STK38: variants seen among roughly 807,000 people sequenced by gnomAD.
STK38 encodes serine/threonine kinase 38.
Under a neutral mutation model 59.0 loss-of-function variants are expected in STK38, and 26 were observed. The observed-to-expected ratio is 0.44, with a 90% confidence interval of 0.32 to 0.61. The LOEUF (loss-of-function observed/expected upper bound fraction) is 0.61, where lower values mean the gene tolerates loss of function less well. Ranked by LOEUF, STK38 falls within the 20% of genes least tolerant of loss-of-function variation. The pLI is 0.04. For synonymous variants in STK38, 175 were observed against 176.6 expected (o/e 0.99, Z 0.07); for missense variants, 433 against 566.0 (o/e 0.76, Z 2.38).
intron 7 of STK38, among the ~76,000 whole-genome samples, chr6:36,510,415 G>A (rs1777080666): frequency 6.6e-6 from 1 of 152,220 alleles, no homozygotes; most frequent in Non-Finnish European, 1.5e-5. Context: ...GAGAAGTCAG[G>A]CAGCAGGAGC....
intron 13 of STK38, among the ~76,000 whole-genome samples, chr6:36,496,204 C>G (rs1776701772): frequency 6.6e-6 from 1 of 151,986 alleles, no homozygotes; most frequent in African/African-American, 2.4e-5. Context: ...CCACCATACC[C>G]AGCTGATTTT....
intron 12 of STK38, among the ~76,000 whole-genome samples, chr6:36,497,029 T>C (rs1471012218): frequency 6.6e-6 from 1 of 152,110 alleles, no homozygotes; most frequent in Admixed American, 6.5e-5. Flanking sequence ...CATTCATAGC[T>C]AGAAAGAAAG....
intron 2 of STK38, among the ~76,000 whole-genome samples, chr6:36,534,478 GTC>G (rs1401266336): frequency 1.3e-5 from 2 of 151,634 alleles, no homozygotes; most frequent in Non-Finnish European, 2.9e-5. Context: ...GTGATATCCT[GTC>G]TCTACAAAAA....
intron 1 of STK38, among the ~76,000 whole-genome samples, chr6:36,544,581 TC>T (rs1778015989): frequency 6.6e-6 from 1 of 152,192 alleles, no homozygotes; most frequent in African/African-American, 2.4e-5. Context: ...TGAAATTACT[TC>T]AACATAAAAA....
chr6:36,499,083 AAGG>A (rs1347598694), intron 10 of STK38, among the ~76,000 whole-genome samples: 1 of 152,244 alleles, frequency 6.6e-6, no homozygotes, highest in Non-Finnish European at 1.5e-5. Context: ...TGGGAAAAGA[AAGG>A]AGGACATAAA....
chr6:36,503,921 C>A (rs1269867674), intron 9 of STK38, among the ~76,000 whole-genome samples: 1 of 152,198 alleles, frequency 6.6e-6, no homozygotes, highest in African/African-American at 2.4e-5. Flanking sequence ...CCTTCCCAAA[C>A]CTTTGTTGTT....
rs575019368 is a variant in STK38, at chr6:36,525,389, C to T, written c.183+202G>A. Among the ~76,000 whole-genome samples, 71 of 152,274 alleles carry T rather than the reference C, an allele frequency of 4.7e-4. No individual in the cohort carries two copies. In the Middle Eastern group the frequency reaches 0.017, roughly 36 times the overall value. On this transcript the variant is annotated intron_variant, in intron 3 of 13. Transcript: ENST00000229812. ...TAAATCTAGTTTACTATAACTGCAT[C>T]TAGAGAAGCCTTCCTCTCCTAGGTA...
intron 11 of STK38, 36 bp downstream of exon 11, chr6:36,498,327 A>G (rs1407605248): frequency 6.3e-7 from 1 of 1,579,678 alleles, no homozygotes; most frequent in Non-Finnish European, 8.5e-7. Context: ...CATATTAAAA[A>G]GCTGAGAAAG....
chr6:36,510,505 G>A (rs960633489), intron 7 of STK38, among the ~76,000 whole-genome samples: 2 of 152,168 alleles, frequency 1.3e-5, no homozygotes, highest in African/African-American at 4.8e-5. Flanking sequence ...GCCTGGGAGG[G>A]CAGGGCTCCC....
intron 7 of STK38, among the ~76,000 whole-genome samples, chr6:36,507,849 G>A (rs556602760): frequency 1.3e-5 from 2 of 151,780 alleles, no homozygotes; most frequent in East Asian, 1.9e-4. Flanking sequence ...TTTAAACATA[G>A]CTGACCCCTC....
chr6:36,514,032 G>A (rs1273753458), intron 7 of STK38, among the ~76,000 whole-genome samples: 1 of 151,510 alleles, frequency 6.6e-6, no homozygotes, highest in Non-Finnish European at 1.5e-5. Flanking sequence ...GCGGGCGCCT[G>A]TAGTCCCAGC....
chr6:36,545,791 T>C (rs1020700029), intron 1 of STK38, among the ~76,000 whole-genome samples: 1 of 152,176 alleles, frequency 6.6e-6, no homozygotes, highest in Non-Finnish European at 1.5e-5. Context: ...TAGGAAATAA[T>C]AGGTGGCTGA....
intron 1 of STK38, among the ~76,000 whole-genome samples, chr6:36,541,767 A>G (rs1777942835): frequency 6.6e-6 from 1 of 151,860 alleles, no homozygotes; most frequent in Non-Finnish European, 1.5e-5. Flanking sequence ...TTAGTGGCTT[A>G]CCTGTAGGTA....
chr6:36,518,789 T>A (rs1243428580), intron 5 of STK38, among the ~76,000 whole-genome samples: 1 of 152,224 alleles, frequency 6.6e-6, no homozygotes, highest in Non-Finnish European at 1.5e-5. Context: ...TTATTAAGAC[T>A]CAGTCCAATC....
chr6:36,524,492 C>G (rs3752479), intron 3 of STK38, 29 bp from the exon 4 acceptor site: 334,516 of 1,570,946 alleles, frequency 0.21, 39,179 homozygotes, highest in East Asian at 0.43. Context: ...AGGGAGGAGA[C>G]GGGAAGGAAC....
chr6:36,511,574 T>G (rs1777109258), intron 7 of STK38, among the ~76,000 whole-genome samples: 1 of 151,462 alleles, frequency 6.6e-6, no homozygotes, highest in Admixed American at 6.6e-5. Context: ...GCCAGGCTGG[T>G]CTTGAACTCC....
chr6:36,539,970 G>A (rs1296078354), intron 2 of STK38, 102 bp downstream of exon 2: 11 of 1,536,658 alleles, frequency 7.2e-6, no homozygotes, highest in South Asian at 6.3e-5. Context: ...TCTATAATAA[G>A]GCTGCTACTA....
chr6:36,525,577 C>A lies in STK38; in HGVS notation c.183+14G>T. On this transcript the variant is annotated intron_variant, in intron 3 of 13. Transcript: ENST00000229812. Reference sequence around the variant, plus strand: ...ACGCTGGGTTTTAAGGAAAACATTGCCAATATTAATTACCTCCTCATCTTT... The same window carrying A: ...ACGCTGGGTTTTAAGGAAAACATTGACAATATTAATTACCTCCTCATCTTT... 1 of 1,612,426 alleles carries A rather than the reference C, an allele frequency of 6.2e-7. No homozygotes were observed. Among genetic ancestry groups the A allele is most frequent in the South Asian group, 1.1e-5 (1 of 91,000 alleles).
At position 36,506,659 on chromosome 6, in the gene STK38, T is replaced by C. The variant is rs571954723; in HGVS notation, c.773-15A>G. 1.9e-6 allele frequency: 3 copies of C among 1,610,884 alleles called. No individual in the cohort carries two copies. The highest frequency in any genetic ancestry group is 1.3e-5 in the African/African-American group (1 of 74,856). ...GTTCTGGAAAGCTGAAAGTAAAGAA[T>C]ACAAGCTGCAGTCAAAGTTCAGACC... On this transcript the variant is annotated splice_polypyrimidine_tract_variant and intron_variant, in intron 8 of 13. Coordinates refer to ENST00000229812, the MANE Select transcript of STK38 (RefSeq NM_007271.4).
Sources: allele counts gnomAD v4.1 joint callset (sites outside exome capture counted in the v4.1 genomes callset), GRCh38; gene constraint gnomAD v4.1.1; transcripts MANE v1.5; gene names NCBI Gene and HGNC (gene_info 2026-07-23, HGNC 2026-07-21).